The following WWP2 variants were observed in gnomAD, a reference collection of about 807,000 sequenced individuals.
The protein encoded by WWP2 is WW domain containing E3 ubiquitin protein ligase 2, also known as NEDD4-like E3 ubiquitin-protein ligase WWP2.
WWP2 carries 57 observed loss-of-function variants against 121.0 expected under a neutral mutation model. The observed-to-expected ratio is 0.47, with a 90% CI of 0.38 to 0.59. WWP2 has a LOEUF of 0.59. WWP2 is among the 20% of genes least tolerant of loss of function. WWP2 has a pLI of 0.00. For missense variants in WWP2, 962 were observed against 1,158.9 expected, an observed-to-expected ratio of 0.83 and a Z score of 2.47; for synonymous variants, 449 against 441.3, an observed-to-expected ratio of 1.02 and a Z score of -0.22.
intron 4 of WWP2, among the ~76,000 whole-genome samples, chr16:69,816,113 C>G (rs982152530): frequency 6.6e-6 from 1 of 152,064 alleles, no homozygotes; most frequent in Non-Finnish European, 1.5e-5. Context: ...GTCCTGCATA[C>G]CCAGTTAGTT....
intron 8 of WWP2, among the ~76,000 whole-genome samples, chr16:69,894,615 G>A (rs1271858959): frequency 6.6e-6 from 1 of 152,182 alleles, no homozygotes; most frequent in Non-Finnish European, 1.5e-5. Flanking sequence ...GGTTGCAAAT[G>A]TCTGTGAAAG....
At chr16:69,795,805 G>A (rs912439032) in intron 2 of WWP2, among the ~76,000 whole-genome samples, 7 of 151,440 alleles carry the variant, frequency 4.6e-5, no homozygotes, top group Non-Finnish European at 1.0e-4. Context: ...GCCCCACCAC[G>A]CCCAGCTAGT....
chr16:69,936,626 A>G (rs904803), intron 19 of WWP2, 174 bp downstream of exon 19: 669,328 of 878,966 alleles, frequency 0.76, 256,915 homozygotes, highest in East Asian at 0.96. Context: ...GGGGGAACCA[A>G]AGCCGAGGTC....
intron 6 of WWP2, among the ~76,000 whole-genome samples, chr16:69,860,187 C>T (rs1177788890): frequency 1.3e-5 from 2 of 151,940 alleles, no homozygotes; most frequent in Non-Finnish European, 2.9e-5. Flanking sequence ...GCGTGGTGGT[C>T]CGATTCCATT....
intron 2 of WWP2, among the ~76,000 whole-genome samples, chr16:69,795,041 C>G (rs1251873283): frequency 6.6e-6 from 1 of 152,072 alleles, no homozygotes; most frequent in Non-Finnish European, 1.5e-5. Flanking sequence ...CGAGATCAGC[C>G]TGGCCAATGG....
chr16:69,784,510 G>A (rs2055740718), intron 1 of WWP2, among the ~76,000 whole-genome samples: 1 of 152,152 alleles, frequency 6.6e-6, no homozygotes. Flanking sequence ...CACCAATTGG[G>A]CTGTTGCTGT....
intron 4 of WWP2, among the ~76,000 whole-genome samples, chr16:69,818,496 G>A (rs2056536487): frequency 6.6e-6 from 1 of 152,044 alleles, no homozygotes; most frequent in Admixed American, 6.6e-5. Flanking sequence ...TGTGAGCCAC[G>A]GCGCCTGACC....
At chr16:69,813,829 G>A (rs902238566) in intron 4 of WWP2, among the ~76,000 whole-genome samples, 1 of 152,114 alleles carries the variant, frequency 6.6e-6, no homozygotes, top group African/African-American at 2.4e-5. Flanking sequence ...GCCTCTTCAA[G>A]CTTGCTGCTG....
At chr16:69,904,504 G>A (rs745402432) in intron 8 of WWP2, among the ~76,000 whole-genome samples, 5 of 151,760 alleles carry the variant, frequency 3.3e-5, no homozygotes, top group South Asian at 2.1e-4. Flanking sequence ...GAGTAGGTAC[G>A]ATTACAGGTA....
intron 21 of WWP2, 121 bp from the exon 22 acceptor site, chr16:69,938,906 C>G: frequency 1.2e-6 from 1 of 832,532 alleles, no homozygotes; most frequent in Non-Finnish European, 1.9e-6. Flanking sequence ...ATCCCCTGGC[C>G]AACCTGGCTT....
In WWP2 at chr16:69,871,122, C is replaced by G. The variant is rs138011584; in HGVS notation, c.576-682C>G. On this transcript the variant is annotated intron_variant, in intron 6 of 23. Transcript: ENST00000359154. ...GCAACATAGCAAGACCCCATCTCCC[C>G]AAAAATAAAAAAATGAGCCAGGCGT... Among the ~76,000 whole-genome samples, 1,216 of 150,564 alleles carry G rather than the reference C, an allele frequency of 8.1e-3. 41 individuals carry two copies. The highest frequency in any genetic ancestry group is 0.047 in the Admixed American group (718 of 15,194).
chr16:69,932,109 C>A (rs1357281608), intron 16 of WWP2, among the ~76,000 whole-genome samples: 1 of 152,228 alleles, frequency 6.6e-6, no homozygotes, highest in African/African-American at 2.4e-5. Flanking sequence ...GCAGGTGGAT[C>A]ACCTGAGGTC....
chr16:69,797,248 A>G (rs1185387091), intron 2 of WWP2, among the ~76,000 whole-genome samples: 1 of 152,222 alleles, frequency 6.6e-6, no homozygotes, highest in Non-Finnish European at 1.5e-5. Flanking sequence ...CTATGAGCGG[A>G]AGAAGAAATG....
intron 8 of WWP2, among the ~76,000 whole-genome samples, chr16:69,897,328 C>A (rs1211827746): frequency 6.6e-6 from 1 of 152,040 alleles, no homozygotes; most frequent in South Asian, 2.1e-4. Context: ...GTCTTGAACT[C>A]CTGGGCTCAA....
intron 8 of WWP2, among the ~76,000 whole-genome samples, chr16:69,899,904 C>T (rs866363331): frequency 2.0e-5 from 3 of 151,964 alleles, no homozygotes; most frequent in Middle Eastern, 6.8e-3. Context: ...TTGTCTTAGT[C>T]ATATTACTTT....
chr16:69,939,770 G>T, intron 23 of WWP2, 71 bp from the exon 24 acceptor site: 1 of 1,409,062 alleles, frequency 7.1e-7, no homozygotes, highest in South Asian at 1.3e-5. Context: ...CCCTGCTGCA[G>T]GCAGGCATGG....
intron 7 of WWP2, among the ~76,000 whole-genome samples, chr16:69,877,098 C>A (rs1275528715): frequency 6.6e-6 from 1 of 152,202 alleles, no homozygotes. Flanking sequence ...GCATGAACTT[C>A]TCTTTATCTA....
intron 8 of WWP2, among the ~76,000 whole-genome samples, chr16:69,905,806 A>G (rs957134548): frequency 1.3e-5 from 2 of 152,138 alleles, no homozygotes; most frequent in Non-Finnish European, 2.9e-5. Flanking sequence ...TTTTCTGCCC[A>G]TTCTTCCTTT....
chr16:69,766,277 C>G (rs2038728213), intron 1 of WWP2, among the ~76,000 whole-genome samples: 1 of 152,166 alleles, frequency 6.6e-6, no homozygotes, highest in Admixed American at 6.6e-5. Flanking sequence ...GGCTGTACTT[C>G]AGAGTACACC....
Sources: gnomAD v4.1 joint callset for allele counts (sites outside exome capture counted in the v4.1 genomes callset) on GRCh38, gnomAD v4.1.1 for gene constraint, MANE v1.5 for transcripts, NCBI Gene and HGNC (gene_info 2026-07-23, HGNC 2026-07-21) for gene names.